Variants in PLCL2 observed in about 807,000 individuals in gnomAD.
PLCL2 encodes the protein phospholipase C like 2.
PLCL2 carries 4 observed loss-of-function variants against 79.6 expected under a neutral mutation model. That is an observed-to-expected ratio of 0.05 (90% CI 0.02 to 0.11). The LOEUF (loss-of-function observed/expected upper bound fraction) is 0.11. Ranked by LOEUF, PLCL2 falls within the 10% of genes least tolerant of loss-of-function variation. The pLI is 1.00. For synonymous variants in PLCL2, 484 were observed against 457.7 expected (o/e 1.06, Z -0.73); for missense variants, 895 against 1,291.0 (o/e 0.69, Z 4.70).
intron 5 of PLCL2, among the ~76,000 whole-genome samples, chr3:17,074,396 T>C (rs1423620707): frequency 6.6e-6 from 1 of 152,226 alleles, no homozygotes; most frequent in Non-Finnish European, 1.5e-5. Context: ...CTAGGCTTTA[T>C]TGATCCATTT....
chr3:17,039,160 C>T (rs2064691830), intron 3 of PLCL2, among the ~76,000 whole-genome samples: 1 of 152,212 alleles, frequency 6.6e-6, no homozygotes, highest in Admixed American at 6.5e-5. Context: ...TATTTATAAT[C>T]ACAGCTTGTT....
At chr3:17,000,015 A>G (rs2064192130) in intron 1 of PLCL2, among the ~76,000 whole-genome samples, 1 of 152,144 alleles carries the variant, frequency 6.6e-6, no homozygotes, top group African/African-American at 2.4e-5. Flanking sequence ...CCATGATTCT[A>G]AACTTCTTAG....
intron 1 of PLCL2, among the ~76,000 whole-genome samples, chr3:16,942,319 C>T (rs373437114): frequency 2.6e-5 from 4 of 152,128 alleles, no homozygotes; most frequent in Admixed American, 1.3e-4. Flanking sequence ...TTAGGGAAAC[C>T]GAGCTCCTAC....
intron 4 of PLCL2, among the ~76,000 whole-genome samples, chr3:17,054,839 T>G (rs1388850249): frequency 1.3e-5 from 2 of 152,166 alleles, no homozygotes; most frequent in African/African-American, 4.8e-5. Context: ...AGTGAAAGGT[T>G]CTTTCCTGGG....
chr3:17,010,073 G>A lies in PLCL2; in HGVS notation c.727G>A (p.Val243Ile), dbSNP rs1007338174. The change falls in exon 2 of 6, where the codon GTT (valine) becomes ATT (isoleucine). Residue 243 changes from valine (V) to isoleucine (I), a missense_variant. Val to Ile is a conservative substitution (Grantham distance 29, BLOSUM62 3). Transcript: ENST00000615277. The surrounding 1 kb of genome is among the most constrained non-coding windows in gnomAD (Gnocchi z 5.8). ...CTCCGCAGATGTTGCAAACATCTGG[G>A]TTACAGGACTGCGGTACCTAATTTC... ...ANSADVANIW[V>I]TGLRYLISYG... 1.9e-6 allele frequency: 3 copies of A among 1,613,614 alleles called. No individual in the cohort carries two copies. In the African/African-American group the frequency reaches 4.0e-5, roughly 22 times the overall value.
intron 2 of PLCL2, among the ~76,000 whole-genome samples, chr3:17,014,170 TCC>T (rs2064358146): frequency 1.3e-5 from 2 of 152,140 alleles, no homozygotes; most frequent in African/African-American, 4.8e-5. Context: ...GTAACCAAGG[TCC>T]CTGCTGGGCA....
intron 4 of PLCL2, among the ~76,000 whole-genome samples, chr3:17,050,369 C>T (rs2064826815): frequency 6.6e-6 from 1 of 151,976 alleles, no homozygotes; most frequent in African/African-American, 2.4e-5. Flanking sequence ...AAACAAACAA[C>T]AAAATGGAGA....
At chr3:16,909,302 G>A (rs144372499) in intron 1 of PLCL2, among the ~76,000 whole-genome samples, 84 of 152,162 alleles carry the variant, frequency 5.5e-4, no homozygotes, top group Middle Eastern at 3.4e-3. Flanking sequence ...TCAAATTTTA[G>A]CTCTGCCACT....
chr3:16,961,716 T>C (rs770687822), intron 1 of PLCL2, among the ~76,000 whole-genome samples: 5 of 152,184 alleles, frequency 3.3e-5, no homozygotes, highest in Non-Finnish European at 7.3e-5. Flanking sequence ...TGATGCCTTC[T>C]ATTCTAGGTG....
intron 1 of PLCL2, among the ~76,000 whole-genome samples, chr3:16,929,890 G>GT (rs1157302640): frequency 5.3e-5 from 8 of 152,196 alleles, no homozygotes; most frequent in Non-Finnish European, 1.0e-4. Context: ...TTTGGGCTTT[G>GT]TTTATAGACT....
intron 1 of PLCL2, among the ~76,000 whole-genome samples, chr3:16,912,939 C>T (rs1696915950): frequency 6.6e-6 from 1 of 152,194 alleles, no homozygotes. Context: ...CTCCTGTCTC[C>T]AACACATGCT....
intron 1 of PLCL2, among the ~76,000 whole-genome samples, chr3:16,934,618 G>A (rs763675168): frequency 1.3e-5 from 2 of 152,156 alleles, no homozygotes; most frequent in African/African-American, 2.4e-5. Flanking sequence ...TTTGATTTGT[G>A]TTTAAAAATC....
At chr3:16,952,173 C>G (rs1038998001) in intron 1 of PLCL2, among the ~76,000 whole-genome samples, 1 of 151,544 alleles carries the variant, frequency 6.6e-6, no homozygotes, top group African/African-American at 2.4e-5. Context: ...ACACTGGGGC[C>G]TGTCGTGGGG....
intron 5 of PLCL2, among the ~76,000 whole-genome samples, chr3:17,080,055 G>T (rs2065146574): frequency 6.6e-6 from 1 of 152,200 alleles, no homozygotes. Context: ...TTGGGGTGGA[G>T]GTCAGGGTGG....
chr3:16,943,412 A>G lies in PLCL2; in HGVS notation c.327+58046A>G, dbSNP rs554589051. The stretch of plus-strand genomic sequence containing the variant: ...GACTTGAGTGCCAGCCTATCCTGAG[A>G]GCCCCAAGCTGGGAGGAGTTTGAGC... On this transcript the variant is annotated intron_variant, in intron 1 of 5. Transcript: ENST00000615277. 1.4e-4 allele frequency among the ~76,000 whole-genome samples: 21 copies of G among 152,336 alleles called. No homozygotes were observed. In the South Asian group the frequency reaches 2.5e-3, roughly 18 times the overall value.
chr3:17,061,865 G>A (rs986565799), intron 4 of PLCL2, among the ~76,000 whole-genome samples: 28 of 151,900 alleles, frequency 1.8e-4, no homozygotes, highest in Non-Finnish European at 3.2e-4. Flanking sequence ...ATTCCCTTTC[G>A]ACCAGAACTG....
At chr3:16,941,353 C>A (rs1697678987) in intron 1 of PLCL2, among the ~76,000 whole-genome samples, 4 of 152,040 alleles carry the variant, frequency 2.6e-5, no homozygotes, top group Admixed American at 2.6e-4. Flanking sequence ...ACTAAGTTGC[C>A]CCATAGCCAG....
intron 1 of PLCL2, among the ~76,000 whole-genome samples, chr3:16,977,252 G>C (rs1458364863): frequency 6.6e-6 from 1 of 152,016 alleles, no homozygotes; most frequent in Non-Finnish European, 1.5e-5. Context: ...TTTCAAACTA[G>C]TATATCCTAG....
Position 16,898,436 on chromosome 3 carries a change from G to A in PLCL2, c.327+13070G>A, listed in dbSNP as rs531951861. Among the ~76,000 whole-genome samples, 12 of 152,234 alleles carry A rather than the reference G, an allele frequency of 7.9e-5. No homozygotes were observed. In the South Asian group the frequency reaches 1.0e-3, roughly 13 times the overall value. ...TAGGAAAAAAAGTATTGTTGAAAAA[G>A]ATTTTAAAATAGTTAAATAGCCCTT... On this transcript the variant is annotated intron_variant, in intron 1 of 5. Coordinates refer to ENST00000615277, the MANE Select transcript of PLCL2 (RefSeq NM_001144382.2).
Sources: allele counts gnomAD v4.1 joint callset (sites outside exome capture counted in the v4.1 genomes callset), GRCh38; gene constraint gnomAD v4.1.1; non-coding constraint Gnocchi (gnomAD v3.1); transcripts MANE v1.5; gene names NCBI Gene and HGNC (gene_info 2026-07-23, HGNC 2026-07-21).